Variants in TRIM14 observed in about 807,000 individuals in gnomAD.
TRIM14 encodes tripartite motif-containing protein 14.
A neutral mutation model predicts 44.5 loss-of-function variants in TRIM14; 28 were observed. The observed-to-expected ratio is 0.63, with a 90% CI of 0.47 to 0.86. TRIM14 has a LOEUF of 0.86. Ranked by LOEUF, TRIM14 falls within the 40% of genes least tolerant of loss-of-function variation. The probability of loss-of-function intolerance (pLI) is 0.00; values close to 1 mark genes in which losing one functional copy is unlikely to be tolerated. For missense variants in TRIM14, 607 were observed against 611.1 expected, an observed-to-expected ratio of 0.99 and a Z score of 0.07; for synonymous variants, 299 against 269.2, an observed-to-expected ratio of 1.11 and a Z score of -1.08.
At chr9:98,091,281 T>G (rs1170091343) in intron 5 of TRIM14, among the ~76,000 whole-genome samples, 1 of 152,046 alleles carries the variant, frequency 6.6e-6, no homozygotes, top group Non-Finnish European at 1.5e-5. Context: ...CCATGCAACC[T>G]CTAAAAACAA....
chr9:98,081,098 C>G (rs757900217), downstream of TRIM14: 5 of 1,613,874 alleles, frequency 3.1e-6, no homozygotes, highest in Non-Finnish European at 2.5e-6. Flanking sequence ...TCCTGCCGGA[C>G]TCTACTCGGT....
chr9:98,105,951 T>C (rs913643330), intron 2 of TRIM14, among the ~76,000 whole-genome samples: 1 of 152,100 alleles, frequency 6.6e-6, no homozygotes, highest in Non-Finnish European at 1.5e-5. Context: ...GCAAAACAAA[T>C]AAAACAACAG....
At chr9:98,063,165 C>T in the TRIM14 span, among the ~76,000 whole-genome samples, 1 of 151,572 alleles carries the variant, frequency 6.6e-6, no homozygotes, top group African/African-American at 2.4e-5. Context: ...TGACCTCAGC[C>T]CATCCGCCCG....
intron 6 of TRIM14, among the ~76,000 whole-genome samples, chr9:98,072,746 T>C (rs1829399689): frequency 1.3e-5 from 2 of 152,156 alleles, no homozygotes; most frequent in South Asian, 4.1e-4. Flanking sequence ...CGAGAGTTAA[T>C]TTACCTTGCC....
the TRIM14 span, among the ~76,000 whole-genome samples, chr9:98,035,841 T>C: frequency 6.6e-6 from 1 of 152,196 alleles, no homozygotes; most frequent in African/African-American, 2.4e-5. Flanking sequence ...CAGTTACGCC[T>C]CAGTCATCGC....
chr9:98,083,409 C>T (rs1829978192), downstream of TRIM14, among the ~76,000 whole-genome samples: 1 of 152,236 alleles, frequency 6.6e-6, no homozygotes, highest in Non-Finnish European at 1.5e-5. Flanking sequence ...TTCCTTTAAG[C>T]CTTCATTCTC....
At chr9:98,094,832 G>T in intron 4 of TRIM14, 35 bp downstream of exon 4, 1 of 1,605,512 alleles carries the variant, frequency 6.2e-7, no homozygotes, top group Middle Eastern at 1.7e-4. Flanking sequence ...CACTAGGGGA[G>T]TTAAGGACAC....
At chr9:98,060,895 G>C in the TRIM14 span, 1 of 1,614,188 alleles carries the variant, frequency 6.2e-7, no homozygotes. Context: ...AGACGTACGG[G>C]GAGCACAAAC....
Sources: gnomAD v4.1 joint callset for allele counts (sites outside exome capture counted in the v4.1 genomes callset) on GRCh38, gnomAD v4.1.1 for gene constraint, MANE v1.5 for transcripts, NCBI Gene and HGNC (gene_info 2026-07-23, HGNC 2026-07-21) for gene names.